Variants in SHTN1 observed in about 807,000 individuals in gnomAD.
The protein encoded by SHTN1 is shootin-1.
SHTN1 carries 42 observed loss-of-function variants against 83.1 expected under a neutral mutation model. The observed-to-expected ratio is 0.51, with a 90% CI of 0.39 to 0.65. The LOEUF is 0.65. Ranked by LOEUF, SHTN1 falls within the 30% of genes least tolerant of loss-of-function variation. SHTN1 has a pLI of 0.00. For missense variants in SHTN1, 622 were observed against 737.8 expected (o/e 0.84, Z 1.82); for synonymous variants, 224 against 247.7 (o/e 0.90, Z 0.90).
At chr10:116,959,835 T>C (rs909181195) in intron 4 of SHTN1, among the ~76,000 whole-genome samples, 1 of 152,234 alleles carries the variant, frequency 6.6e-6, no homozygotes, top group Non-Finnish European at 1.5e-5. Flanking sequence ...CATGGACATT[T>C]GCAAAGTCCC....
chr10:116,956,809 C>A (rs1849994392), intron 4 of SHTN1, among the ~76,000 whole-genome samples: 1 of 152,122 alleles, frequency 6.6e-6, no homozygotes, highest in African/African-American at 2.4e-5. Flanking sequence ...AACAAAGTCA[C>A]CAGCTCAAGA....
intron 1 of SHTN1, among the ~76,000 whole-genome samples, chr10:117,084,356 CG>C (rs763996327): frequency 2.6e-5 from 4 of 152,170 alleles, no homozygotes; most frequent in Non-Finnish European, 5.9e-5. Context: ...TTAGGCTGCT[CG>C]GGGGTCAGGG....
chr10:117,082,584 G>A (rs1168741736), intron 1 of SHTN1, among the ~76,000 whole-genome samples: 4 of 151,944 alleles, frequency 2.6e-5, no homozygotes, highest in African/African-American at 9.7e-5. Context: ...CAATTCCTGG[G>A]TATCCTTGTT....
At chr10:116,950,524 ATTG>A (rs1302482646) in intron 6 of SHTN1, among the ~76,000 whole-genome samples, 1 of 152,206 alleles carries the variant, frequency 6.6e-6, no homozygotes, top group Non-Finnish European at 1.5e-5. Flanking sequence ...AATAAAAATA[ATTG>A]TTGAATTGTC....
chr10:117,110,741 G>A (rs1271848498), intron 1 of SHTN1, among the ~76,000 whole-genome samples: 1 of 152,136 alleles, frequency 6.6e-6, no homozygotes, highest in African/African-American at 2.4e-5. Flanking sequence ...TTTTGTTCTA[G>A]AGCAACAGCT....
exon 1 of SHTN1, chr10:117,126,476 T>C (rs540102158): frequency 9.2e-4 from 198 of 215,700 alleles, no homozygotes; most frequent in Admixed American, 1.8e-3. Context: ...CTAGCACGCA[T>C]GCCCCTCGCC....
chr10:117,101,987 G>A (rs1853600413), intron 1 of SHTN1, among the ~76,000 whole-genome samples: 2 of 150,912 alleles, frequency 1.3e-5, no homozygotes, highest in South Asian at 4.3e-4. Flanking sequence ...CCATCAGTTG[G>A]GAACAGACTG....
chr10:116,894,940 T>C (rs1847464441), intron 16 of SHTN1, among the ~76,000 whole-genome samples: 1 of 152,220 alleles, frequency 6.6e-6, no homozygotes, highest in Admixed American at 6.5e-5. Flanking sequence ...TCTTTCTCCA[T>C]ACTGAAGGCC....
At chr10:116,926,581 C>T (rs1378801555) in intron 11 of SHTN1, among the ~76,000 whole-genome samples, 1 of 152,152 alleles carries the variant, frequency 6.6e-6, no homozygotes, top group African/African-American at 2.4e-5. Context: ...AAGGCAAAGT[C>T]CCATTTTCAT....
chr10:117,026,406 G>A (rs1398815994), intron 2 of SHTN1, among the ~76,000 whole-genome samples: 1 of 145,104 alleles, frequency 6.9e-6, no homozygotes, highest in Non-Finnish European at 1.5e-5. Context: ...CAGTACAATA[G>A]AAATCCAGAT....
intron 16 of SHTN1, among the ~76,000 whole-genome samples, chr10:116,891,898 A>G (rs1462453656): frequency 6.6e-6 from 1 of 152,220 alleles, no homozygotes; most frequent in Non-Finnish European, 1.5e-5. Flanking sequence ...TCAAAACTTC[A>G]TTTTAGCTCA....
intron 3 of SHTN1, among the ~76,000 whole-genome samples, chr10:116,967,475 T>C (rs1850436790): frequency 6.6e-6 from 1 of 152,212 alleles, no homozygotes; most frequent in African/African-American, 2.4e-5. Context: ...CATACATATT[T>C]CATGCATACA....
In SHTN1 at chr10:116,958,311, C is replaced by T. The variant is rs117449091; in HGVS notation, c.267+1825G>A. On this transcript the variant is annotated intron_variant, in intron 4 of 16. Transcript: ENST00000355371. ...AGCAGTCTTTCACAACAAACAAGCA[C>T]ATTTATAGTATTTGATTTAATCCAT... is the stretch of plus-strand genomic sequence containing the variant. 5.2e-3 allele frequency among the ~76,000 whole-genome samples: 798 copies of T among 152,190 alleles called. 11 individuals carry two copies. In the East Asian group the frequency reaches 0.066, roughly 13 times the overall value.
At chr10:117,125,334 A>C (rs1450689453) in intron 1 of SHTN1, among the ~76,000 whole-genome samples, 1 of 152,154 alleles carries the variant, frequency 6.6e-6, no homozygotes, top group Non-Finnish European at 1.5e-5. Context: ...TGATGTCTAG[A>C]AACAAATGTT....
intron 1 of SHTN1, among the ~76,000 whole-genome samples, chr10:117,099,925 C>T (rs1416078853): frequency 6.6e-6 from 1 of 151,952 alleles, no homozygotes; most frequent in Non-Finnish European, 1.5e-5. Context: ...CACCTGTAAT[C>T]CCAGCATTTT....
At chr10:116,958,365 G>A (rs1850058543) in intron 4 of SHTN1, among the ~76,000 whole-genome samples, 1 of 152,012 alleles carries the variant, frequency 6.6e-6, no homozygotes, top group South Asian at 2.1e-4. Context: ...GGCCCCATGA[G>A]TTCATACTAT....
intron 1 of SHTN1, among the ~76,000 whole-genome samples, chr10:117,093,370 A>G (rs758699464): frequency 5.1e-4 from 78 of 151,914 alleles, no homozygotes; most frequent in Non-Finnish European, 7.4e-4. Context: ...GCAAGGCATT[A>G]TTATTAATAA....
chr10:117,123,706 A>T (rs1463832689), intron 1 of SHTN1, among the ~76,000 whole-genome samples: 1 of 150,376 alleles, frequency 6.6e-6, no homozygotes, highest in Non-Finnish European at 1.5e-5. Context: ...GGAGTTCGAG[A>T]CCAGCTTGGT....
chr10:117,005,624 T>A, upstream of SHTN1: 1 of 983,188 alleles, frequency 1.0e-6, no homozygotes, highest in Non-Finnish European at 1.2e-6. Flanking sequence ...CGCAGTAGAC[T>A]CTGGGGGCGC....
Sources: gnomAD v4.1 joint callset for allele counts (sites outside exome capture counted in the v4.1 genomes callset) on GRCh38, gnomAD v4.1.1 for gene constraint, MANE v1.5 for transcripts, NCBI Gene and HGNC (gene_info 2026-07-23, HGNC 2026-07-21) for gene names.